The following DAB1 variants were observed in gnomAD, a reference collection of about 807,000 sequenced individuals.
The protein encoded by DAB1 is DAB adaptor protein 1, also known as disabled homolog 1.
Under a neutral mutation model 64.6 loss-of-function variants are expected in DAB1, and 15 were observed. That is an observed-to-expected ratio of 0.23 (90% CI 0.16 to 0.36). The LOEUF (loss-of-function observed/expected upper bound fraction) is 0.36, where lower values mean the gene tolerates loss of function less well. DAB1 is among the 10% of genes least tolerant of loss of function. The pLI is 1.00. For missense variants in DAB1, 596 were observed against 706.7 expected, an observed-to-expected ratio of 0.84 and a Z score of 1.78; for synonymous variants, 235 against 251.9, an observed-to-expected ratio of 0.93 and a Z score of 0.64.
chr1:57,748,724 AAGGACT>A, intron 6 of DAB1, among the ~76,000 whole-genome samples: 1 of 152,208 alleles, frequency 6.6e-6, no homozygotes, highest in South Asian at 2.1e-4. Flanking sequence ...GCTGCATTTA[AAGGACT>A]ACTGTGTGGA....
At chr1:58,059,255 A>C (rs1052265406) in intron 5 of DAB1, among the ~76,000 whole-genome samples, 5 of 152,222 alleles carry the variant, frequency 3.3e-5, no homozygotes, top group African/African-American at 1.2e-4. Flanking sequence ...AGGCAGCCTG[A>C]GTTGAATCCA....
intron 5 of DAB1, among the ~76,000 whole-genome samples, chr1:58,041,789 G>A (rs1337112500): frequency 6.6e-6 from 1 of 152,202 alleles, no homozygotes; most frequent in African/African-American, 2.4e-5. Flanking sequence ...TTACGAGGCT[G>A]CATCAGGACT....
At chr1:57,210,145 T>C (rs1387051272) in intron 2 of DAB1, among the ~76,000 whole-genome samples, 3 of 152,214 alleles carry the variant, frequency 2.0e-5, no homozygotes. Context: ...AATCTTGACC[T>C]ATGTTAGCTG....
chr1:57,319,144 G>A (rs1388967471), intron 1 of DAB1, among the ~76,000 whole-genome samples: 2 of 152,118 alleles, frequency 1.3e-5, no homozygotes, highest in African/African-American at 4.8e-5. Flanking sequence ...CATGGCCCCA[G>A]GGCTGCTGCT....
chr1:57,109,065 G>T (rs889646369), intron 4 of DAB1, among the ~76,000 whole-genome samples: 3 of 152,162 alleles, frequency 2.0e-5, no homozygotes, highest in African/African-American at 7.2e-5. Flanking sequence ...ATGGCCATTT[G>T]GACTTGGTGT....
At chr1:57,370,630 G>A (rs1032072506) in intron 1 of DAB1, among the ~76,000 whole-genome samples, 3 of 148,536 alleles carry the variant, frequency 2.0e-5, no homozygotes, top group Admixed American at 6.7e-5. Flanking sequence ...AAAAAAAAAC[G>A]TGTAACCCTG....
At chr1:58,546,398 T>C (rs552935107) in intron 1 of DAB1, among the ~76,000 whole-genome samples, 5 of 152,260 alleles carry the variant, frequency 3.3e-5, no homozygotes, top group South Asian at 2.1e-4. Context: ...ACGAAAGTAC[T>C]GCCACGGGGC....
chr1:57,121,214 A>G (rs1656629605), intron 4 of DAB1, among the ~76,000 whole-genome samples: 1 of 150,118 alleles, frequency 6.7e-6, no homozygotes, highest in African/African-American at 2.5e-5. Flanking sequence ...GAAGAAGGAG[A>G]AGGAGGGGAA....
chr1:58,503,869 C>T (rs1645946139), intron 3 of DAB1, among the ~76,000 whole-genome samples: 2 of 152,154 alleles, frequency 1.3e-5, no homozygotes, highest in East Asian at 3.9e-4. Flanking sequence ...GTTAAGAAGC[C>T]ATGCTTGGCT....
intron 5 of DAB1, among the ~76,000 whole-genome samples, chr1:57,924,889 GTC>G (rs1644858135): frequency 1.3e-5 from 2 of 152,020 alleles, no homozygotes; most frequent in South Asian, 4.1e-4. Context: ...TACATATACA[GTC>G]TCTCAGTAAA....
chr1:58,009,836 T>C (rs1056160330), intron 5 of DAB1, among the ~76,000 whole-genome samples: 1 of 152,234 alleles, frequency 6.6e-6, no homozygotes, highest in Non-Finnish European at 1.5e-5. Context: ...TCTTGCCTTA[T>C]GTCTGATAAT....
intron 1 of DAB1, among the ~76,000 whole-genome samples, chr1:57,379,039 A>G (rs1681140826): frequency 1.3e-5 from 2 of 152,182 alleles, no homozygotes; most frequent in African/African-American, 4.8e-5. Context: ...GACTAGAACT[A>G]ACTTGAAGTC....
chr1:57,159,106 T>C (rs919080793), intron 2 of DAB1, among the ~76,000 whole-genome samples: 1 of 152,112 alleles, frequency 6.6e-6, no homozygotes, highest in African/African-American at 2.4e-5. Context: ...CATAACCCAA[T>C]TCTTCTGCTC....
intron 7 of DAB1, among the ~76,000 whole-genome samples, chr1:57,484,587 A>G (rs1005795007): frequency 6.6e-6 from 1 of 152,162 alleles, no homozygotes; most frequent in Admixed American, 6.5e-5. Flanking sequence ...AAGAACACCA[A>G]AGAGCTCTGT....
At chr1:57,008,020 C>T (rs1054483780) in intron 14 of DAB1, among the ~76,000 whole-genome samples, 3 of 152,174 alleles carry the variant, frequency 2.0e-5, no homozygotes, top group Admixed American at 2.0e-4. Flanking sequence ...GGCATCTGCC[C>T]CTTGGCACTT....
At chr1:57,590,833 T>A (rs1479805982) in intron 7 of DAB1, among the ~76,000 whole-genome samples, 2 of 151,382 alleles carry the variant, frequency 1.3e-5, no homozygotes, top group East Asian at 1.9e-4. Context: ...TTCTAGAATA[T>A]GATTCAGAAA....
intron 1 of DAB1, among the ~76,000 whole-genome samples, chr1:57,831,530 T>C (rs1327707642): frequency 2.0e-5 from 3 of 149,504 alleles, no homozygotes. Context: ...CATATTTATT[T>C]TCTTCTCTTT....
chr1:57,384,488 C>T (rs191676917), intron 1 of DAB1, among the ~76,000 whole-genome samples: 6 of 152,282 alleles, frequency 3.9e-5, no homozygotes, highest in Middle Eastern at 3.4e-3. Context: ...GCATTATTCA[C>T]AATAGCCAAA....
At chr1:57,220,959 G>T (rs1666819388) in intron 2 of DAB1, among the ~76,000 whole-genome samples, 1 of 152,164 alleles carries the variant, frequency 6.6e-6, no homozygotes, top group Admixed American at 6.5e-5. Context: ...TATGTTTATT[G>T]TGGCACTATT....
Sources: gnomAD v4.1 joint callset for allele counts (sites outside exome capture counted in the v4.1 genomes callset) on GRCh38, gnomAD v4.1.1 for gene constraint, MANE v1.5 for transcripts, NCBI Gene and HGNC (gene_info 2026-07-23, HGNC 2026-07-21) for gene names.